Variants in WAC observed in about 807,000 individuals in gnomAD.
WAC encodes the protein WW domain containing adaptor with coiled-coil.
Under a neutral mutation model 79.6 loss-of-function variants are expected in WAC, and 11 were observed. The ratio of observed to expected loss-of-function variants is 0.14; its 90% CI spans 0.09 to 0.23. WAC has a LOEUF of 0.23. Among genes scored for constraint, WAC ranks in the 10% least tolerant of loss-of-function variants. WAC has a pLI of 1.00. For synonymous variants in WAC, 304 were observed against 276.9 expected (o/e 1.10, Z -0.97); for missense variants, 728 against 773.5 (o/e 0.94, Z 0.70).
At chr10:28,561,300 A>G (rs760836435) in intron 3 of WAC, among the ~76,000 whole-genome samples, 1 of 152,230 alleles carries the variant, frequency 6.6e-6, no homozygotes, top group Non-Finnish European at 1.5e-5. Flanking sequence ...CCACTCAATT[A>G]CACATAAAGG....
intron 3 of WAC, among the ~76,000 whole-genome samples, chr10:28,561,132 C>T (rs1838280605): frequency 6.6e-6 from 1 of 152,158 alleles, no homozygotes; most frequent in Non-Finnish European, 1.5e-5. Context: ...ACCTAGAGGG[C>T]ATTGACATTG....
At chr10:28,557,305 G>A (rs947370128) in intron 3 of WAC, among the ~76,000 whole-genome samples, 52 of 152,080 alleles carry the variant, frequency 3.4e-4, no homozygotes, top group African/African-American at 1.3e-3. Context: ...GAAGCAATGT[G>A]ATAATATTAT....
intron 3 of WAC, among the ~76,000 whole-genome samples, chr10:28,545,654 G>A (rs1173162297): frequency 6.6e-6 from 1 of 152,194 alleles, no homozygotes; most frequent in African/African-American, 2.4e-5. Context: ...TTGGCAAATT[G>A]TGTAATGTGT....
At chr10:28,619,260 A>G (rs916562065) in intron 13 of WAC, among the ~76,000 whole-genome samples, 1 of 152,256 alleles carries the variant, frequency 6.6e-6, no homozygotes, top group Non-Finnish European at 1.5e-5. Flanking sequence ...AGCCTGGGCA[A>G]CAGAGCAAGA....
intron 4 of WAC, chr10:28,589,410 A>G: frequency 5.5e-6 from 1 of 181,110 alleles, no homozygotes; most frequent in Non-Finnish European, 1.2e-5. Flanking sequence ...CCCCACCCCC[A>G]TGTTACTGGA....
At chr10:28,568,404 G>C (rs1471664922) in intron 3 of WAC, among the ~76,000 whole-genome samples, 1 of 152,064 alleles carries the variant, frequency 6.6e-6, no homozygotes, top group South Asian at 2.1e-4. Context: ...GTTTTGAGAT[G>C]GAGTCTTGCA....
At chr10:28,537,268 T>TA (rs371139187) in intron 3 of WAC, among the ~76,000 whole-genome samples, 9 of 152,346 alleles carry the variant, frequency 5.9e-5, no homozygotes, top group African/African-American at 1.9e-4. Flanking sequence ...CTTTTAGAGT[T>TA]ATCAGTTTTG....
intron 7 of WAC, among the ~76,000 whole-genome samples, chr10:28,605,360 C>T (rs1193383310): frequency 1.3e-5 from 2 of 152,198 alleles, no homozygotes; most frequent in Non-Finnish European, 2.9e-5. Context: ...GTAAATGTGG[C>T]TTGGAGCCCA....
intron 3 of WAC, among the ~76,000 whole-genome samples, chr10:28,536,724 C>G (rs1836700945): frequency 6.6e-6 from 1 of 152,168 alleles, no homozygotes; most frequent in African/African-American, 2.4e-5. Context: ...GTAAACAAAA[C>G]CAATTCTCAG....
At chr10:28,552,392 T>G (rs1289395056) in intron 3 of WAC, among the ~76,000 whole-genome samples, 1 of 152,204 alleles carries the variant, frequency 6.6e-6, no homozygotes, top group Non-Finnish European at 1.5e-5. Context: ...TAGCGCTGTT[T>G]CTTCCTTATG....
intron 4 of WAC, among the ~76,000 whole-genome samples, chr10:28,584,831 C>T (rs545949520): frequency 2.0e-4 from 30 of 152,230 alleles, no homozygotes; most frequent in African/African-American, 7.2e-4. Flanking sequence ...GTGGCTCGCT[C>T]CTGTAATCCT....
chr10:28,608,393 T>A lies in WAC; in HGVS notation c.1127T>A (p.Leu376His). ...LLPALQATLQ[L>H]NNSNVDISKI... ...CCTGCTTTGCAAGCCACGCTGCAGC[T>A]TAATAATTCTAATGTGGACATATCT... The change falls in exon 8 of 14, where the codon CTT becomes CAT. Residue 376 changes from leucine (L) to histidine (H), a missense_variant. Coordinates refer to ENST00000354911, the MANE Select transcript of WAC (RefSeq NM_016628.5). 1 of 1,611,112 alleles carries A rather than the reference T, an allele frequency of 6.2e-7. No individual in the cohort carries two copies. The highest frequency in any genetic ancestry group is 8.5e-7 in the Non-Finnish European group (1 of 1,178,292).
At chr10:28,592,729 G>T (rs983063813) in intron 6 of WAC, among the ~76,000 whole-genome samples, 3 of 152,060 alleles carry the variant, frequency 2.0e-5, no homozygotes, top group African/African-American at 7.2e-5. Context: ...TCGTAAATAG[G>T]TAAAGTTTTT....
rs531804640 is a variant in WAC at position 28,621,616 on chromosome 10, A to C, written c.*2010A>C. The C allele has an allele frequency of 6.6e-6, 1 of 152,348 alleles. No individual in the cohort carries two copies. Among genetic ancestry groups the C allele is most frequent in the East Asian group, 1.9e-4 (1 of 5,188 alleles). The allele number at this position is 152,348 out of a possible 1,614,324, so 9.4% of individuals were successfully genotyped here. On this transcript the variant is annotated 3_prime_UTR_variant, in exon 14 of 14. Coordinates refer to ENST00000354911, the MANE Select transcript of WAC (RefSeq NM_016628.5). ...AACATCTGCTGAATTTAACTAGTGC[A>C]TGTAAATGAAACCCCAAAGAGCTGT...
At chr10:28,596,086 A>G (rs570291496) in intron 7 of WAC, 45 bp downstream of exon 7, 3 of 1,544,462 alleles carry the variant, frequency 1.9e-6, no homozygotes, top group South Asian at 2.5e-5. Flanking sequence ...TATAGTTTCT[A>G]AGTTTCTTCT....
At chr10:28,543,211 A>G (rs1837158368) in intron 3 of WAC, among the ~76,000 whole-genome samples, 1 of 152,230 alleles carries the variant, frequency 6.6e-6, no homozygotes, top group Non-Finnish European at 1.5e-5. Flanking sequence ...TAGAGTAACA[A>G]GGTTCTATAG....
intron 10 of WAC, 21 bp downstream of exon 10, chr10:28,611,943 A>G: frequency 6.2e-7 from 1 of 1,600,666 alleles, no homozygotes; most frequent in East Asian, 2.2e-5. Flanking sequence ...TTTGAGGGAC[A>G]TTCGGAAAAG....
chr10:28,614,509 TG>T (rs1418699131), intron 10 of WAC, 57 bp from the exon 11 acceptor site: 1 of 1,334,532 alleles, frequency 7.5e-7, no homozygotes. Context: ...ACCTAGATTT[TG>T]GGGGGAGAGA....
rs1185716585 is a variant in WAC, at chr10:28,539,360, T to G, written c.274+3603T>G. Among the ~76,000 whole-genome samples, 3 of 152,278 alleles carry G rather than the reference T, an allele frequency of 2.0e-5. No homozygotes were observed. The South Asian group carries it at 6.2e-4, about 32-fold the overall frequency. ...ACTTGCTGTAACATAGCGTGTATAG[T>G]TTAGAGTTAGAGATTTTATCCATTA... On this transcript the variant is annotated intron_variant, in intron 3 of 13. Coordinates refer to ENST00000354911, the MANE Select transcript of WAC (RefSeq NM_016628.5).
Sources: allele counts gnomAD v4.1 joint callset (sites outside exome capture counted in the v4.1 genomes callset), GRCh38; gene constraint gnomAD v4.1.1; transcripts MANE v1.5; gene names NCBI Gene and HGNC (gene_info 2026-07-23, HGNC 2026-07-21).